Variants in RABL2B observed in about 807,000 individuals in gnomAD.
RABL2B encodes rab-like protein 2B.
A neutral mutation model predicts 26.7 loss-of-function variants in RABL2B; 17 were observed. The observed-to-expected ratio is 0.64, with a 90% confidence interval of 0.44 to 0.95. The LOEUF (loss-of-function observed/expected upper bound fraction) is 0.95. Ranked by LOEUF, RABL2B falls within the 40% of genes least tolerant of loss-of-function variation. The pLI is 0.00. For synonymous variants in RABL2B, 70 were observed against 103.9 expected (o/e 0.67, Z 1.99); for missense variants, 170 against 277.2 (o/e 0.61, Z 2.75).
At chr22:50,778,015 G>C in intron 2 of RABL2B, 34 bp from the exon 3 acceptor site, 2 of 1,614,002 alleles carry the variant, frequency 1.2e-6, no homozygotes, top group Non-Finnish European at 8.5e-7. Flanking sequence ...GTCAGATGGC[G>C]TCTCCATCTC....
intron 5 of RABL2B, among the ~76,000 whole-genome samples, chr22:50,775,329 G>A (rs553593923): frequency 5.0e-4 from 76 of 152,218 alleles, no homozygotes; most frequent in Non-Finnish European, 9.6e-4. Flanking sequence ...TGGGAGGCTC[G>A]GGGGGAGGCG....
chr22:50,780,074 G>A (rs2085566756), intron 2 of RABL2B, among the ~76,000 whole-genome samples: 1 of 152,138 alleles, frequency 6.6e-6, no homozygotes, highest in South Asian at 2.1e-4. Context: ...GCCTGTAATG[G>A]CAGCTCAGGA....
chr22:50,774,072 T>C (rs1400069002), intron 5 of RABL2B, among the ~76,000 whole-genome samples: 1 of 152,162 alleles, frequency 6.6e-6, no homozygotes, highest in Non-Finnish European at 1.5e-5. Flanking sequence ...TTTTTTTGTA[T>C]TTTTAGTAGA....
Position 50,768,752 on chromosome 22 carries a change from C to T in RABL2B, c.*24G>A, listed in dbSNP as rs782018583. 6.7e-5 allele frequency: 108 copies of T among 1,613,438 alleles called. No homozygotes were observed. Among genetic ancestry groups the T allele is most frequent in the East Asian group, 5.1e-4 (23 of 44,874 alleles). ...AAGGGAAGGGTATTTTAAAAGGGCT[C>T]CACCCACCCCTAGCCCCAGCCCCTC... On this transcript the variant is annotated 3_prime_UTR_variant, in exon 9 of 9. Coordinates refer to ENST00000691320, the MANE Select transcript of RABL2B (RefSeq NM_001130919.3).
intron 2 of RABL2B, among the ~76,000 whole-genome samples, 183 bp from the exon 3 acceptor site, chr22:50,778,164 A>G (rs1555925879): frequency 6.6e-5 from 10 of 151,782 alleles, no homozygotes. Context: ...AACCCGTCAT[A>G]ACAAAACAGC....
Position 50,769,108 on chromosome 22 carries a change from A to G in RABL2B, c.524T>C (p.Ile175Thr). 1.2e-6 allele frequency: 1 copy of G among 810,626 alleles called. No individual in the cohort carries two copies. The highest frequency in any genetic ancestry group is 2.0e-6 in the Non-Finnish European group (1 of 507,268). The allele number at this position is 810,626 out of a possible 1,614,324, so 50.2% of individuals were successfully genotyped here. The change falls in exon 8 of 9, where the codon ATT becomes ACT. Residue 175 changes from isoleucine to threonine, a missense_variant. Physicochemically the swap from Ile to Thr is moderately conservative, Grantham distance 89. This residue lies in a region of RABL2B where 165 missense variants were observed against 232.0 expected (regional missense o/e 0.71). Transcript: ENST00000691320. ...CTGTTTGTAAGACACAGCTAATCGAATTGCATCATTGAAGAGCTGGGGGTG... is the reference window on the plus strand; with the variant it reads ...CTGTTTGTAAGACACAGCTAATCGAGTTGCATCATTGAAGAGCTGGGGGTG... ...TNVVKLFNDAIRLAVSYKQNS... is the reference protein window; with the variant it reads ...TNVVKLFNDATRLAVSYKQNS...
intron 2 of RABL2B, chr22:50,780,764 C>T (rs1555928162): frequency 2.1e-6 from 1 of 470,310 alleles, no homozygotes. Flanking sequence ...AAGTTAACTA[C>T]TTGGATTCTT....
chr22:50,776,029 GTGA>G (rs2084931579), intron 4 of RABL2B, among the ~76,000 whole-genome samples, 178 bp from the exon 5 acceptor site: 1 of 152,176 alleles, frequency 6.6e-6, no homozygotes, highest in South Asian at 2.1e-4. Flanking sequence ...GTACCTGAGT[GTGA>G]TGTGAGAGGT....
At chr22:50,778,101 C>T (rs1455963886) in intron 2 of RABL2B, 120 bp from the exon 3 acceptor site, 3 of 1,328,950 alleles carry the variant, frequency 2.3e-6, no homozygotes, top group African/African-American at 2.9e-5. Context: ...CCCTTTCACT[C>T]CACAGCCACA....
Position 50,776,607 on chromosome 22 carries a change from C to T in RABL2B, c.217+63G>A, listed in dbSNP as rs564086650. The T allele has an allele frequency of 6.4e-6, 10 of 1,552,620 alleles. 1 individual carries two copies. The African/African-American group carries it at 1.2e-4, about 19-fold the overall frequency. Reference sequence around the variant, plus strand: ...TCTCTCCTTATGAACCTTCCCTCACCTCCCCTCGTCTCCCATTTCCTCTTT... The same window carrying T: ...TCTCTCCTTATGAACCTTCCCTCACTTCCCCTCGTCTCCCATTTCCTCTTT... On this transcript the variant is annotated intron_variant, in intron 4 of 8. Coordinates refer to ENST00000691320, the MANE Select transcript of RABL2B (RefSeq NM_001130919.3).
chr22:50,768,523 G>A lies in RABL2B; in HGVS notation c.*253C>T. 1 of 828,324 alleles carries A rather than the reference G, an allele frequency of 1.2e-6. No homozygotes were observed. The highest frequency in any genetic ancestry group is 1.8e-6 in the Non-Finnish European group (1 of 551,396). The allele number at this position is 828,324 out of a possible 1,614,324, so 51.3% of individuals were successfully genotyped here. On this transcript the variant is annotated 3_prime_UTR_variant, in exon 9 of 9. Coordinates refer to ENST00000691320, the MANE Select transcript of RABL2B (RefSeq NM_001130919.3). ...TGTCTGCCTGCGGGGAGGGGGTGGG[G>A]AAGGTGTTAATGATGCTGATCCCTA...
chr22:50,776,884 A>C, intron 3 of RABL2B, 135 bp from the exon 4 acceptor site: 1 of 1,462,244 alleles, frequency 6.8e-7, no homozygotes, highest in African/African-American at 1.4e-5. Context: ...AAATCAAATG[A>C]ATGTTGCAGA....
chr22:50,779,833 T>A (rs1391071299), intron 2 of RABL2B, among the ~76,000 whole-genome samples: 2 of 151,796 alleles, frequency 1.3e-5, no homozygotes, highest in African/African-American at 2.4e-5. Flanking sequence ...ACAAAAAAAT[T>A]AGCTAGGCAT....
At chr22:50,775,995 A>G in intron 4 of RABL2B, 144 bp from the exon 5 acceptor site, 1 of 909,502 alleles carries the variant, frequency 1.1e-6, no homozygotes, top group African/African-American at 1.6e-5. Flanking sequence ...ATACAGCCCC[A>G]CACGTGTGTC....
At chr22:50,780,177 A>G (rs1209923470) in intron 2 of RABL2B, among the ~76,000 whole-genome samples, 2 of 151,572 alleles carry the variant, frequency 1.3e-5, no homozygotes, top group Non-Finnish European at 2.9e-5. Context: ...GGGAGCTGTC[A>G]TCAGAGCCCT....
At chr22:50,782,508 C>T (rs1336702543) in intron 1 of RABL2B, among the ~76,000 whole-genome samples, 161 bp from the exon 2 acceptor site, 3 of 152,260 alleles carry the variant, frequency 2.0e-5, no homozygotes, top group Non-Finnish European at 4.4e-5. Context: ...ACACAGGCAT[C>T]AATAATATGT....
At position 50,776,499 on chromosome 22, in the gene RABL2B, T is replaced by G. The variant is rs181529337; in HGVS notation, c.217+171A>C. ...TGGGACTTGGCCCCTGCATGCCCCC[T>G]TCCACCCTCCTGGCTCCTGGCTCTC... On this transcript the variant is annotated intron_variant, in intron 4 of 8. Transcript: ENST00000691320. Among the ~76,000 whole-genome samples, 714 of 152,300 alleles carry G rather than the reference T, an allele frequency of 4.7e-3. 5 individuals carry two copies. The highest frequency in any genetic ancestry group is 0.017 in the African/African-American group (692 of 41,564).
Position 50,768,459 on chromosome 22 carries a change from T to C in RABL2B, c.*317A>G, listed in dbSNP as rs1420082015. ...CCAAAAAACACCTAAATTTCCTGTA[T>C]TAAAGTGACACATAATCATGTTTTC... On this transcript the variant is annotated 3_prime_UTR_variant, in exon 9 of 9. Coordinates refer to ENST00000691320, the MANE Select transcript of RABL2B (RefSeq NM_001130919.3). 1.1e-5 allele frequency: 5 copies of C among 450,104 alleles called. No individual in the cohort carries two copies. The highest frequency in any genetic ancestry group is 3.8e-5 in the Admixed American group (1 of 26,394). 27.9% of individuals were successfully genotyped at this position (450,104 alleles called of 1,614,324 possible).
At chr22:50,778,123 T>G (rs1603450880) in intron 2 of RABL2B, 142 bp from the exon 3 acceptor site, 3 of 1,216,138 alleles carry the variant, frequency 2.5e-6, no homozygotes, top group Non-Finnish European at 3.6e-6. Flanking sequence ...AGCTTCCGGG[T>G]CAAGTCTGGA....
Sources: gnomAD v4.1 joint callset for allele counts (sites outside exome capture counted in the v4.1 genomes callset) on GRCh38, gnomAD v4.1.1 for gene constraint, gnomAD v4.1.1 regional missense constraint, MANE v1.5 for transcripts, NCBI Gene and HGNC (gene_info 2026-07-23, HGNC 2026-07-21) for gene names.